RAB8A: variants seen among roughly 807,000 people sequenced by gnomAD.
RAB8A encodes the protein ras-related protein Rab-8A.
RAB8A carries 5 observed loss-of-function variants against 29.2 expected under a neutral mutation model. The observed-to-expected ratio is 0.17, with a 90% CI of 0.09 to 0.36. The LOEUF is 0.36. Among genes scored for constraint, RAB8A ranks in the 10% least tolerant of loss-of-function variants. RAB8A has a pLI of 1.00. For missense variants in RAB8A, 171 were observed against 272.2 expected (o/e 0.63, Z 2.62); for synonymous variants, 108 against 99.9 (o/e 1.08, Z -0.49).
At chr19:16,129,696 C>T (rs1267899177) in intron 7 of RAB8A, 92 bp downstream of exon 7, 2 of 1,263,696 alleles carry the variant, frequency 1.6e-6, no homozygotes, top group Admixed American at 3.4e-5. Flanking sequence ...CTAGATCCTG[C>T]TTTTTAGGGC....
chr19:16,117,538 T>G (rs1445721665), intron 1 of RAB8A, among the ~76,000 whole-genome samples: 2 of 148,674 alleles, frequency 1.3e-5, no homozygotes, highest in Non-Finnish European at 3.0e-5. Context: ...CTGTGTAACA[T>G]GGTTAGGGTT....
At chr19:16,118,057 T>C (rs2090854590) in intron 1 of RAB8A, among the ~76,000 whole-genome samples, 169 bp from the exon 2 acceptor site, 1 of 152,112 alleles carries the variant, frequency 6.6e-6, no homozygotes, top group Non-Finnish European at 1.5e-5. Context: ...AGGGAAAATA[T>C]CTCCAAGTGT....
Position 16,127,337 on chromosome 19 carries a change from G to A in RAB8A, c.325-100G>A. On this transcript the variant is annotated intron_variant, in intron 4 of 7. Coordinates refer to ENST00000300935, the MANE Select transcript of RAB8A (RefSeq NM_005370.5). This position sits in a 1 kb window ranked among gnomAD's most constrained non-coding sequence, Gnocchi z 4.8. ...AGACCAGGCTGTACCTAGCAGTCCT[G>A]ACCCCACCGCTCTGATTTCTGGGGA... is the stretch of plus-strand genomic sequence containing the variant. 1 of 737,108 alleles carries A rather than the reference G, an allele frequency of 1.4e-6. No individual in the cohort carries two copies. The highest frequency in any genetic ancestry group is 2.0e-6 in the Non-Finnish European group (1 of 497,534). 45.7% of individuals were successfully genotyped at this position (737,108 alleles called of 1,614,324 possible). A position where few individuals can be genotyped will look rare whatever the true frequency, so the allele number is the denominator to read the frequency against.
At position 16,132,082 on chromosome 19, in the gene RAB8A, TTGG is replaced by T; in HGVS notation, c.532-128_532-126del. 1.4e-6 allele frequency: 1 copy of T among 715,408 alleles called. No individual in the cohort carries two copies. The highest frequency in any genetic ancestry group is 2.4e-6 in the Non-Finnish European group (1 of 414,782). 44.3% of individuals were successfully genotyped at this position (715,408 alleles called of 1,614,324 possible). A position where few individuals can be genotyped will look rare whatever the true frequency, so the allele number is the denominator to read the frequency against. On this transcript the variant is annotated intron_variant, in intron 7 of 7. Coordinates refer to ENST00000300935, the MANE Select transcript of RAB8A (RefSeq NM_005370.5). This position sits in a 1 kb window ranked among gnomAD's most constrained non-coding sequence, Gnocchi z 5.6. ...TGGTTTGATTGGTTTGGTTGTTTGG[TTGG>T]TTGGTTGGTTGGTTGGTTGGATGGT... is the stretch of plus-strand genomic sequence containing the variant.
At chr19:16,114,008 C>A (rs968467583) in intron 1 of RAB8A, among the ~76,000 whole-genome samples, 2 of 152,214 alleles carry the variant, frequency 1.3e-5, no homozygotes, top group Non-Finnish European at 1.5e-5. Flanking sequence ...CCCCCTCCCC[C>A]ACTCCAAGGC....
rs1287192335 is a variant in RAB8A, at chr19:16,132,487, A to T, written c.*183A>T. 4 of 610,126 alleles carry T rather than the reference A, an allele frequency of 6.6e-6. No homozygotes were observed. The African/African-American group carries it at 7.4e-5, about 11-fold the overall frequency. The allele number at this position is 610,126 out of a possible 1,614,324, so 37.8% of individuals were successfully genotyped here. ...TTTAGTAACTGTCTGATCTTTTTCAACTTTGGAGATGGAATAAGTTAAAAA... is the reference window on the plus strand; with the variant it reads ...TTTAGTAACTGTCTGATCTTTTTCATCTTTGGAGATGGAATAAGTTAAAAA... On this transcript the variant is annotated 3_prime_UTR_variant, in exon 8 of 8. Transcript: ENST00000300935. This position sits in a 1 kb window ranked among gnomAD's most constrained non-coding sequence, Gnocchi z 5.6.
In RAB8A at chr19:16,127,762, G is replaced by C; in HGVS notation, c.414+236G>C. ...CCAGACTTTCAAGACCACAGGAGCG[G>C]GGAACAGAGCCATAGTTTGATCCCA... On this transcript the variant is annotated intron_variant, in intron 5 of 7. Coordinates refer to ENST00000300935, the MANE Select transcript of RAB8A (RefSeq NM_005370.5). This position sits in a 1 kb window ranked among gnomAD's most constrained non-coding sequence, Gnocchi z 4.8. The C allele has an allele frequency of 1.6e-6, 1 of 606,492 alleles. No individual in the cohort carries two copies. The highest frequency in any genetic ancestry group is 2.9e-5 in the Admixed American group (1 of 34,836). The allele number at this position is 606,492 out of a possible 1,614,324, so 37.6% of individuals were successfully genotyped here. A position where few individuals can be genotyped will look rare whatever the true frequency, so the allele number is the denominator to read the frequency against.
Position 16,129,593 on chromosome 19 carries a change from G to A in RAB8A, c.520G>A (p.Asp174Asn). The A allele has an allele frequency of 6.2e-7, 1 of 1,613,988 alleles. No individual in the cohort carries two copies. Residue 174 changes from aspartate to asparagine, a missense_variant, in exon 7 of 8, where the codon GAC becomes AAC. Asp to Asn is a conservative substitution (Grantham distance 23, BLOSUM62 1). Transcript: ENST00000300935. ...TLARDIKAKM[D>N]KKLEGNSPQG... Reference sequence around the variant, plus strand: ...CGCCAGAGATATCAAAGCAAAAATGGACAAAAAATTGGTGAGTGTGTGTCC... The same window carrying A: ...CGCCAGAGATATCAAAGCAAAAATGAACAAAAAATTGGTGAGTGTGTGTCC...
intron 6 of RAB8A, among the ~76,000 whole-genome samples, chr19:16,128,526 A>AC (rs2090911873): frequency 6.6e-6 from 1 of 151,840 alleles, no homozygotes; most frequent in South Asian, 2.1e-4. Flanking sequence ...CCACGGGGCG[A>AC]CCCCAGCCCT....
Position 16,125,599 on chromosome 19 carries a change from G to A in RAB8A, c.324+52G>A. The A allele has an allele frequency of 6.5e-7, 1 of 1,545,228 alleles. No homozygotes were observed. Among genetic ancestry groups the A allele is most frequent in the Non-Finnish European group, 8.9e-7 (1 of 1,123,970 alleles). ...TCCCTGCTTCAGTCCTTGTCCCAGA[G>A]CCCTCTGGTTTACTCATGAGAAGGC... On this transcript the variant is annotated intron_variant, in intron 4 of 7. Transcript: ENST00000300935. The surrounding 1 kb of genome is among the most constrained non-coding windows in gnomAD (Gnocchi z 5.0).
At chr19:16,116,845 A>G (rs2144984757) in intron 1 of RAB8A, among the ~76,000 whole-genome samples, 1 of 151,142 alleles carries the variant, frequency 6.6e-6, no homozygotes, top group South Asian at 2.1e-4. Context: ...AGGCTAGCCA[A>G]GATCGCACCA....
chr19:16,119,148 C>G (rs545713156), intron 2 of RAB8A, among the ~76,000 whole-genome samples: 68 of 152,286 alleles, frequency 4.5e-4, no homozygotes, highest in Non-Finnish European at 6.5e-4. Context: ...CCCCCACTTG[C>G]CAGTTTCAGG....
chr19:16,117,002 A>C (rs1156362766), intron 1 of RAB8A, among the ~76,000 whole-genome samples: 1 of 152,022 alleles, frequency 6.6e-6, no homozygotes, highest in Non-Finnish European at 1.5e-5. Context: ...TATGCTGGAC[A>C]TGTCTGTTAA....
Position 16,132,086 on chromosome 19 carries a change from T to C in RAB8A, c.532-126T>C. On this transcript the variant is annotated intron_variant, in intron 7 of 7. Coordinates refer to ENST00000300935, the MANE Select transcript of RAB8A (RefSeq NM_005370.5). This position sits in a 1 kb window ranked among gnomAD's most constrained non-coding sequence, Gnocchi z 5.6. The stretch of plus-strand genomic sequence containing the variant: ...TTGATTGGTTTGGTTGTTTGGTTGG[T>C]TGGTTGGTTGGTTGGTTGGATGGTT... 1.4e-6 allele frequency: 1 copy of C among 739,632 alleles called. No homozygotes were observed. The highest frequency in any genetic ancestry group is 2.3e-6 in the Non-Finnish European group (1 of 433,708). 45.8% of individuals were successfully genotyped at this position (739,632 alleles called of 1,614,324 possible).
Position 16,118,248 on chromosome 19 carries a change from C to T in RAB8A, c.147C>T (p.Thr49=), listed in dbSNP as rs1194209209. Residue 49 remains threonine, a synonymous_variant, in exon 2 of 8, where the codon ACC becomes ACT. Transcript: ENST00000300935. Reference sequence around the variant, plus strand: ...CAGGAATTGACTTTAAAATTAGGACCATAGAGCTCGATGGCAAGAGAATTA... The same window carrying T: ...CAGGAATTGACTTTAAAATTAGGACTATAGAGCTCGATGGCAAGAGAATTA... ...STIGIDFKIR[T]IELDGKRIKL... 1.2e-6 allele frequency: 2 copies of T among 1,610,646 alleles called. No individual in the cohort carries two copies. The highest frequency in any genetic ancestry group is 2.7e-5 in the African/African-American group (2 of 75,012).
Position 16,125,148 on chromosome 19 carries a change from A to G in RAB8A, c.247-322A>G. On this transcript the variant is annotated intron_variant, in intron 3 of 7. Coordinates refer to ENST00000300935, the MANE Select transcript of RAB8A (RefSeq NM_005370.5). This position sits in a 1 kb window ranked among gnomAD's most constrained non-coding sequence, Gnocchi z 5.0. ...GGACCGGCTCCCACCGTCAGGCTGC[A>G]CCACCCCGTGGGCCATGAGGGGAGC... is the stretch of plus-strand genomic sequence containing the variant. 2 of 449,570 alleles carry G rather than the reference A, an allele frequency of 4.4e-6. No individual in the cohort carries two copies. Among genetic ancestry groups the G allele is most frequent in the South Asian group, 2.4e-5 (1 of 42,230 alleles). 27.8% of individuals were successfully genotyped at this position (449,570 alleles called of 1,614,324 possible). A position where few individuals can be genotyped will look rare whatever the true frequency, so the allele number is the denominator to read the frequency against.
intron 2 of RAB8A, among the ~76,000 whole-genome samples, chr19:16,118,494 A>G (rs1036958472): frequency 2.0e-5 from 3 of 152,166 alleles, no homozygotes; most frequent in Non-Finnish European, 2.9e-5. Context: ...ACCAGGGCCT[A>G]CAGCATCATA....
chr19:16,114,662 AC>A (rs2090838996), intron 1 of RAB8A, among the ~76,000 whole-genome samples: 1 of 149,402 alleles, frequency 6.7e-6, no homozygotes, highest in African/African-American at 2.5e-5. Flanking sequence ...TGCTGGGATT[AC>A]AAGCATGAGC....
rs1372149246 is a variant in RAB8A at position 16,127,671 on chromosome 19, A to G, written c.414+145A>G. On this transcript the variant is annotated intron_variant, in intron 5 of 7. Coordinates refer to ENST00000300935, the MANE Select transcript of RAB8A (RefSeq NM_005370.5). This position sits in a 1 kb window ranked among gnomAD's most constrained non-coding sequence, Gnocchi z 4.8. ...ACGTGCCATGGGATGACAGAAGCACACACCCAGCCGGGGCTTCTTGGGTGC... is the reference window on the plus strand; with the variant it reads ...ACGTGCCATGGGATGACAGAAGCACGCACCCAGCCGGGGCTTCTTGGGTGC... 11 of 664,390 alleles carry G rather than the reference A, an allele frequency of 1.7e-5. No homozygotes were observed. The allele number at this position is 664,390 out of a possible 1,614,324, so 41.2% of individuals were successfully genotyped here.
Sources: gnomAD v4.1 joint callset for allele counts (sites outside exome capture counted in the v4.1 genomes callset) on GRCh38, gnomAD v4.1.1 for gene constraint, Gnocchi (gnomAD v3.1) non-coding constraint, MANE v1.5 for transcripts, NCBI Gene and HGNC (gene_info 2026-07-23, HGNC 2026-07-21) for gene names.